The following THSD7A variants were observed in gnomAD, a reference collection of about 807,000 sequenced individuals.
THSD7A encodes the protein thrombospondin type-1 domain-containing protein 7A.
THSD7A carries 96 observed loss-of-function variants against 231.3 expected under a neutral mutation model. That is an observed-to-expected ratio of 0.41 (90% confidence interval 0.35 to 0.49). The LOEUF is 0.49. Ranked by LOEUF, THSD7A falls within the 20% of genes least tolerant of loss-of-function variation. THSD7A has a pLI of 0.05. For missense variants in THSD7A, 2,290 were observed against 2,070.2 expected (o/e 1.11, Z -2.06); for synonymous variants, 940 against 743.3 (o/e 1.26, Z -4.30).
At chr7:11,496,276 T>C (rs10281072) in intron 6 of THSD7A, among the ~76,000 whole-genome samples, 15,272 of 152,208 alleles carry the variant, frequency 0.1, 1,015 homozygotes, top group African/African-American at 0.19. Context: ...AGTTGATTAA[T>C]GTCCCCAACT....
rs187356471 is a variant in THSD7A at position 11,471,644 on chromosome 7, T to A, written c.2253-1650A>T. Reference sequence around the variant, plus strand: ...ATTCAACATTTCAAAAATAATCTTTTTGATTTATCTTGCGCTGGAATTTCC... The same window carrying A: ...ATTCAACATTTCAAAAATAATCTTTATGATTTATCTTGCGCTGGAATTTCC... On this transcript the variant is annotated intron_variant, in intron 8 of 27. Coordinates refer to ENST00000423059, the MANE Select transcript of THSD7A (RefSeq NM_015204.3). 1.3e-3 allele frequency among the ~76,000 whole-genome samples: 203 copies of A among 152,166 alleles called. 1 individual carries two copies. Among genetic ancestry groups the A allele is most frequent in the African/African-American group, 4.7e-3 (196 of 41,564 alleles).
intron 17 of THSD7A, among the ~76,000 whole-genome samples, chr7:11,416,549 A>G (rs1783966129): frequency 6.6e-6 from 1 of 152,214 alleles, no homozygotes; most frequent in African/African-American, 2.4e-5. Context: ...TCTTTGTTTT[A>G]TTCCTGCTGT....
chr7:11,757,915 C>T lies in THSD7A; in HGVS notation c.190+73842G>A, dbSNP rs1782735692. ...AGGCTTAATTAAAAATGGAATAGGC[C>T]AATTTAGTAATAATAATAATAATGA... is the stretch of plus-strand genomic sequence containing the variant. On this transcript the variant is annotated intron_variant, in intron 1 of 27. Coordinates refer to ENST00000423059, the MANE Select transcript of THSD7A (RefSeq NM_015204.3). Among the ~76,000 whole-genome samples the T allele has an allele frequency of 1.3e-5, 2 of 149,988 alleles. 1 individual carries two copies. Among genetic ancestry groups the T allele is most frequent in the South Asian group, 4.2e-4 (2 of 4,780 alleles).
chr7:11,396,562 C>G (rs911944197), intron 23 of THSD7A, among the ~76,000 whole-genome samples: 1 of 152,170 alleles, frequency 6.6e-6, no homozygotes, highest in Admixed American at 6.5e-5. Flanking sequence ...AACATACTCC[C>G]TCCCATGACT....
chr7:11,642,181 T>G (rs1244730795), intron 1 of THSD7A, among the ~76,000 whole-genome samples: 1 of 152,176 alleles, frequency 6.6e-6, no homozygotes, highest in Non-Finnish European at 1.5e-5. Context: ...CAGCAAATGT[T>G]TCTGTGTAAA....
chr7:11,685,525 G>C (rs560065174), intron 1 of THSD7A, among the ~76,000 whole-genome samples: 1 of 151,436 alleles, frequency 6.6e-6, no homozygotes, highest in South Asian at 2.1e-4. Context: ...AACAAATCAA[G>C]AGGAAATAAA....
At chr7:11,694,971 T>C (rs1780344047) in intron 1 of THSD7A, among the ~76,000 whole-genome samples, 1 of 151,552 alleles carries the variant, frequency 6.6e-6, no homozygotes, top group Admixed American at 6.6e-5. Flanking sequence ...ACTTGCTACA[T>C]GGCAGAATTC....
rs117366314 is a variant in THSD7A at position 11,599,146 on chromosome 7, A to G, written c.1023-5644T>C. On this transcript the variant is annotated intron_variant, in intron 2 of 27. Transcript: ENST00000423059. ...GAAAGTGGATAGGATAAGGAAAAGTATGCATGGAATACAGGAGATCAATTA... is the reference window on the plus strand; with the variant it reads ...GAAAGTGGATAGGATAAGGAAAAGTGTGCATGGAATACAGGAGATCAATTA... Among the ~76,000 whole-genome samples the G allele has an allele frequency of 7.2e-5, 11 of 152,344 alleles. No homozygotes were observed. In the East Asian group the frequency reaches 2.1e-3, roughly 29 times the overall value.
intron 1 of THSD7A, among the ~76,000 whole-genome samples, chr7:11,769,153 A>ATATATATATATATT: frequency 4.7e-4 from 13 of 27,644 alleles, no homozygotes; most frequent in African/African-American, 1.5e-3. Flanking sequence ...ATATATATAT[A>ATATATATATATATT]TTTTTTTTTT....
intron 1 of THSD7A, among the ~76,000 whole-genome samples, chr7:11,723,163 C>T (rs1781419125): frequency 6.6e-6 from 1 of 151,954 alleles, no homozygotes; most frequent in African/African-American, 2.4e-5. Flanking sequence ...ATGATGAGTT[C>T]ATGCCCTTTG....
chr7:11,380,542 T>C (rs566441642), intron 24 of THSD7A, among the ~76,000 whole-genome samples: 1 of 152,308 alleles, frequency 6.6e-6, no homozygotes, highest in Non-Finnish European at 1.5e-5. Context: ...CTCAATATTA[T>C]AATCACAAAA....
intron 6 of THSD7A, among the ~76,000 whole-genome samples, chr7:11,487,199 T>G (rs1337608127): frequency 1.3e-5 from 2 of 152,158 alleles, no homozygotes; most frequent in Admixed American, 6.6e-5. Flanking sequence ...TCTCCTAAAC[T>G]ATTCCTTTTT....
chr7:11,623,721 A>T (rs1781389474), intron 2 of THSD7A, among the ~76,000 whole-genome samples: 1 of 152,136 alleles, frequency 6.6e-6, no homozygotes, highest in Non-Finnish European at 1.5e-5. Flanking sequence ...TGGCTAGCAC[A>T]TACAAGGATA....
At chr7:11,414,821 A>G (rs1194785293) in intron 17 of THSD7A, among the ~76,000 whole-genome samples, 1 of 152,142 alleles carries the variant, frequency 6.6e-6, no homozygotes, top group African/African-American at 2.4e-5. Context: ...CATAATGTGT[A>G]TTATATAAAG....
At chr7:11,389,769 T>G (rs1782909731) in intron 23 of THSD7A, among the ~76,000 whole-genome samples, 1 of 152,030 alleles carries the variant, frequency 6.6e-6, no homozygotes, top group African/African-American at 2.4e-5. Context: ...CTTTTCCATG[T>G]TCAGTGCTTC....
In THSD7A at chr7:11,593,519, A is replaced by T. The variant is rs1311320482; in HGVS notation, c.1023-17T>A. The T allele has an allele frequency of 6.2e-7, 1 of 1,612,406 alleles. No individual in the cohort carries two copies. On this transcript the variant is annotated splice_polypyrimidine_tract_variant and intron_variant, in intron 2 of 27. Coordinates refer to ENST00000423059, the MANE Select transcript of THSD7A (RefSeq NM_015204.3). ...TGGCAAAAGCTGTAAAAGAGCATTG[A>T]TATTCTCATTACAGACTCACAGGCA...
intron 2 of THSD7A, among the ~76,000 whole-genome samples, chr7:11,611,876 ATCTATCTATCTG>A (rs1285890228): frequency 1.3e-4 from 20 of 148,420 alleles, no homozygotes; most frequent in African/African-American, 4.8e-4. Context: ...CTATCTATCT[ATCTATCTATCTG>A]TCTATCTTTC....
chr7:11,441,476 T>C (rs376263477), intron 13 of THSD7A, among the ~76,000 whole-genome samples: 1 of 152,044 alleles, frequency 6.6e-6, no homozygotes, highest in Non-Finnish European at 1.5e-5. Context: ...AAGTTCCAGA[T>C]ATTCTGCCCT....
chr7:11,729,832 A>C (rs1217053480), intron 1 of THSD7A, among the ~76,000 whole-genome samples: 1 of 151,778 alleles, frequency 6.6e-6, no homozygotes, highest in Non-Finnish European at 1.5e-5. Context: ...TACCATGTAC[A>C]CTTATGTTTG....
Sources: allele counts gnomAD v4.1 joint callset (sites outside exome capture counted in the v4.1 genomes callset), GRCh38; gene constraint gnomAD v4.1.1; transcripts MANE v1.5; gene names NCBI Gene and HGNC (gene_info 2026-07-23, HGNC 2026-07-21).